The following ZMAT4 variants were observed in gnomAD, a reference collection of about 807,000 sequenced individuals.
ZMAT4 encodes the protein zinc finger matrin-type 4, also known as zinc finger matrin-type protein 4.
In ZMAT4, 17 loss-of-function variants were observed where a neutral mutation model predicts 28.7. The observed-to-expected ratio is 0.59, with a 90% confidence interval of 0.41 to 0.89. The LOEUF is 0.89. Ranked by LOEUF, ZMAT4 falls within the 40% of genes least tolerant of loss-of-function variation. The pLI is 0.00. For missense variants in ZMAT4, 240 were observed against 283.8 expected, an observed-to-expected ratio of 0.85 and a Z score of 1.11; for synonymous variants, 117 against 109.2, an observed-to-expected ratio of 1.07 and a Z score of -0.44.
intron 3 of ZMAT4, among the ~76,000 whole-genome samples, chr8:40,742,244 T>C (rs965035495): frequency 1.3e-5 from 2 of 151,426 alleles, no homozygotes; most frequent in South Asian, 2.1e-4. Context: ...TGAGACCCTG[T>C]CTCGAAAAAA....
chr8:40,784,414 GTTC>G (rs1813977925), intron 2 of ZMAT4, among the ~76,000 whole-genome samples: 1 of 152,070 alleles, frequency 6.6e-6, no homozygotes, highest in African/African-American at 2.4e-5. Context: ...AGATAGGGCT[GTTC>G]TTCTCTCCAT....
At chr8:40,832,654 A>G (rs1167668393) in intron 1 of ZMAT4, among the ~76,000 whole-genome samples, 1 of 152,122 alleles carries the variant, frequency 6.6e-6, no homozygotes, top group Non-Finnish European at 1.5e-5. Flanking sequence ...CTCTCCTTCA[A>G]TTTTGACAAA....
intron 5 of ZMAT4, among the ~76,000 whole-genome samples, chr8:40,673,411 A>G (rs1054537829): frequency 1.3e-5 from 2 of 152,126 alleles, no homozygotes; most frequent in African/African-American, 4.8e-5. Context: ...GGTAATTAGA[A>G]TTGTAGGCTC....
chr8:40,632,120 T>A (rs116343575), intron 5 of ZMAT4, among the ~76,000 whole-genome samples: 1,623 of 152,228 alleles, frequency 0.011, 26 homozygotes, highest in African/African-American at 0.037. Flanking sequence ...AGCTGTCTAG[T>A]GGTTGAACAG....
At chr8:40,687,805 G>T (rs1809481605) in intron 4 of ZMAT4, among the ~76,000 whole-genome samples, 1 of 152,172 alleles carries the variant, frequency 6.6e-6, no homozygotes, top group African/African-American at 2.4e-5. Flanking sequence ...GATTTCATCT[G>T]CTCTGCAGAG....
At chr8:40,671,816 T>A (rs1042944376) in intron 5 of ZMAT4, among the ~76,000 whole-genome samples, 7 of 152,316 alleles carry the variant, frequency 4.6e-5, no homozygotes, top group Middle Eastern at 3.4e-3. Context: ...TGCATCATTT[T>A]AAAAAATTAA....
At chr8:40,827,376 A>C (rs1816100585) in intron 1 of ZMAT4, among the ~76,000 whole-genome samples, 1 of 152,248 alleles carries the variant, frequency 6.6e-6, no homozygotes. Flanking sequence ...TGATGTTGGC[A>C]AGATGTTGGC....
At chr8:40,870,256 C>G (rs772259953) in intron 1 of ZMAT4, among the ~76,000 whole-genome samples, 34 of 152,300 alleles carry the variant, frequency 2.2e-4, no homozygotes, top group Non-Finnish European at 3.7e-4. Flanking sequence ...CCTCCAGTGG[C>G]TGGTTGTGGC....
At chr8:40,699,596 G>A (rs1585899084) in intron 3 of ZMAT4, among the ~76,000 whole-genome samples, 1 of 149,640 alleles carries the variant, frequency 6.7e-6, no homozygotes, top group African/African-American at 2.5e-5. Flanking sequence ...AAATGTAAAT[G>A]CACACACACA....
intron 1 of ZMAT4, among the ~76,000 whole-genome samples, chr8:40,833,384 A>G (rs1816355559): frequency 1.3e-5 from 2 of 152,006 alleles, no homozygotes; most frequent in African/African-American, 4.8e-5. Flanking sequence ...CCTGATCAAC[A>G]TGGTGAAACC....
chr8:40,671,368 C>T (rs1002455847), intron 5 of ZMAT4, among the ~76,000 whole-genome samples: 1 of 152,000 alleles, frequency 6.6e-6, no homozygotes, highest in Non-Finnish European at 1.5e-5. Context: ...AGTCTTGTGC[C>T]GTAATGTTCA....
chr8:40,736,518 C>A (rs1811767668), intron 3 of ZMAT4, among the ~76,000 whole-genome samples: 1 of 152,164 alleles, frequency 6.6e-6, no homozygotes, highest in East Asian at 1.9e-4. Context: ...ACCATATAAG[C>A]ACTTGGAGGT....
At chr8:40,671,850 A>G (rs1018104190) in intron 5 of ZMAT4, among the ~76,000 whole-genome samples, 1 of 152,224 alleles carries the variant, frequency 6.6e-6, no homozygotes, top group Non-Finnish European at 1.5e-5. Flanking sequence ...ATAGTTTCTT[A>G]TAAAAAATAT....
intron 1 of ZMAT4, among the ~76,000 whole-genome samples, chr8:40,849,766 G>A (rs1817035902): frequency 6.6e-6 from 1 of 152,206 alleles, no homozygotes; most frequent in South Asian, 2.1e-4. Flanking sequence ...GTCTAGATCA[G>A]TGGTTGGCAC....
At chr8:40,823,567 G>A (rs903902117) in intron 2 of ZMAT4, among the ~76,000 whole-genome samples, 3 of 152,152 alleles carry the variant, frequency 2.0e-5, no homozygotes, top group Admixed American at 6.5e-5. Flanking sequence ...GCTGAGGCAG[G>A]AGAATCACTT....
chr8:40,820,429 G>C (rs1342816448), intron 2 of ZMAT4, among the ~76,000 whole-genome samples: 1 of 120,434 alleles, frequency 8.3e-6, no homozygotes, highest in East Asian at 2.9e-4. Flanking sequence ...TATAGTGTGT[G>C]CTTATGTGTG....
At chr8:40,709,526 C>T (rs541956728) in intron 3 of ZMAT4, among the ~76,000 whole-genome samples, 30 of 152,194 alleles carry the variant, frequency 2.0e-4, no homozygotes, top group Non-Finnish European at 2.9e-5. Context: ...CAATGTTTTA[C>T]TTCAAAAACA....
chr8:40,653,338 A>T (rs186387726), intron 5 of ZMAT4, among the ~76,000 whole-genome samples: 381 of 152,226 alleles, frequency 2.5e-3, no homozygotes, highest in Non-Finnish European at 2.4e-3. Flanking sequence ...CTTCTATCTT[A>T]AAAACTAGAA....
intron 3 of ZMAT4, among the ~76,000 whole-genome samples, chr8:40,723,192 G>A (rs999398487): frequency 6.6e-6 from 1 of 152,198 alleles, no homozygotes; most frequent in African/African-American, 2.4e-5. Context: ...AGGGATAGGA[G>A]AATGAGTATC....
Sources: allele counts gnomAD v4.1 joint callset (sites outside exome capture counted in the v4.1 genomes callset), GRCh38; gene constraint gnomAD v4.1.1; transcripts MANE v1.5; gene names NCBI Gene and HGNC (gene_info 2026-07-23, HGNC 2026-07-21).